KCNH1: variants seen among roughly 807,000 people sequenced by gnomAD.
KCNH1 encodes voltage-gated delayed rectifier potassium channel KCNH1.
A neutral mutation model predicts 69.2 loss-of-function variants in KCNH1; 27 were observed. The ratio of observed to expected loss-of-function variants is 0.39; its 90% confidence interval spans 0.29 to 0.54. KCNH1 has a LOEUF of 0.54. Among genes scored for constraint, KCNH1 ranks in the 20% least tolerant of loss-of-function variants. The pLI is 0.68. For synonymous variants in KCNH1, 456 were observed against 487.7 expected (o/e 0.93, Z 0.86); for missense variants, 798 against 1,261.6 (o/e 0.63, Z 5.57).
intron 6 of KCNH1, among the ~76,000 whole-genome samples, chr1:210,991,622 CACACACACACAT>C (rs1469917017): frequency 2.0e-5 from 3 of 151,806 alleles, no homozygotes; most frequent in African/African-American, 7.3e-5. Context: ...CACACACACA[CACACACACACAT>C]AACACATACA....
chr1:211,084,396 C>T (rs200971102), intron 4 of KCNH1, among the ~76,000 whole-genome samples: 2 of 126,688 alleles, frequency 1.6e-5, no homozygotes. Context: ...ACCACCACCA[C>T]CAGCGTGATC....
chr1:211,117,013 C>A (rs1306250234), intron 1 of KCNH1, among the ~76,000 whole-genome samples: 1 of 152,178 alleles, frequency 6.6e-6, no homozygotes, highest in African/African-American at 2.4e-5. Context: ...AAGAATCAAA[C>A]CTCCAAGATT....
chr1:210,720,186 A>G (rs906641688), intron 10 of KCNH1, among the ~76,000 whole-genome samples: 1 of 152,208 alleles, frequency 6.6e-6, no homozygotes, highest in Non-Finnish European at 1.5e-5. Context: ...AACAGCATCA[A>G]GATTTTTCAG....
At chr1:211,085,698 A>T (rs1238967091) in intron 4 of KCNH1, among the ~76,000 whole-genome samples, 1 of 152,208 alleles carries the variant, frequency 6.6e-6, no homozygotes, top group Non-Finnish European at 1.5e-5. Flanking sequence ...CTGGGGTGAC[A>T]GCTAATCAAT....
intron 7 of KCNH1, among the ~76,000 whole-genome samples, chr1:210,844,026 G>A (rs761095647): frequency 6.6e-6 from 1 of 152,132 alleles, no homozygotes; most frequent in African/African-American, 2.4e-5. Flanking sequence ...CTTCTGTCAT[G>A]GCCCATGTTT....
intron 9 of KCNH1, 22 bp downstream of exon 9, chr1:210,797,486 A>G (rs781437105): frequency 1.9e-5 from 30 of 1,611,170 alleles, no homozygotes; most frequent in African/African-American, 2.7e-5. Flanking sequence ...ACCTTTGCCC[A>G]TCCAGCAAAG....
intron 5 of KCNH1, among the ~76,000 whole-genome samples, chr1:211,081,397 G>A (rs1690856422): frequency 1.3e-5 from 2 of 152,232 alleles, no homozygotes; most frequent in Admixed American, 6.5e-5. Context: ...AACCATTGTG[G>A]AAGACAGTGT....
At chr1:210,823,350 A>G (rs1034163991) in intron 7 of KCNH1, among the ~76,000 whole-genome samples, 6 of 152,206 alleles carry the variant, frequency 3.9e-5, no homozygotes, top group African/African-American at 1.4e-4. Flanking sequence ...TAAGTGGTAC[A>G]CTGTAAGAAG....
At chr1:210,701,066 T>C (rs1037357804) in intron 10 of KCNH1, among the ~76,000 whole-genome samples, 21 of 152,106 alleles carry the variant, frequency 1.4e-4, no homozygotes, top group Non-Finnish European at 1.5e-4. Context: ...GCCTCCCAAG[T>C]AGCTGGGACT....
intron 7 of KCNH1, among the ~76,000 whole-genome samples, chr1:210,899,252 A>G (rs987020080): frequency 6.6e-6 from 1 of 152,168 alleles, no homozygotes; most frequent in African/African-American, 2.4e-5. Flanking sequence ...AGTATGTAAT[A>G]TTGCAATGGG....
intron 6 of KCNH1, among the ~76,000 whole-genome samples, chr1:210,978,694 G>A (rs115686081): frequency 1.3e-3 from 202 of 152,180 alleles, no homozygotes; most frequent in Non-Finnish European, 2.5e-3. Context: ...CTATTATTAC[G>A]CTTGTTTTTC....
intron 7 of KCNH1, among the ~76,000 whole-genome samples, chr1:210,907,778 A>G (rs535837209): frequency 6.6e-6 from 1 of 152,290 alleles, no homozygotes; most frequent in South Asian, 2.1e-4. Flanking sequence ...ATGATGTGGT[A>G]TGTGTCAGTA....
At chr1:210,861,782 A>G in intron 7 of KCNH1, 5 of 771,230 alleles carry the variant, frequency 6.5e-6, no homozygotes, top group Non-Finnish European at 2.4e-6. Flanking sequence ...GCTGCTACCA[A>G]TGGACTCCAC....
chr1:211,020,513 A>G (rs1689569975), intron 5 of KCNH1, among the ~76,000 whole-genome samples: 1 of 152,024 alleles, frequency 6.6e-6, no homozygotes, highest in Admixed American at 6.6e-5. Context: ...TCTCCCAACA[A>G]AGAAAAGCCC....
chr1:211,060,948 A>G (rs1326448253), intron 5 of KCNH1, among the ~76,000 whole-genome samples: 3 of 152,220 alleles, frequency 2.0e-5, no homozygotes, highest in African/African-American at 4.8e-5. Context: ...AATACTTCCA[A>G]ACTCATTCTA....
chr1:210,857,812 G>C (rs1395600640), intron 7 of KCNH1, among the ~76,000 whole-genome samples: 1 of 152,164 alleles, frequency 6.6e-6, no homozygotes, highest in Non-Finnish European at 1.5e-5. Context: ...CTTGCAGTTA[G>C]AAAGAAAGGG....
chr1:211,021,738 T>C (rs1208032833), intron 5 of KCNH1, among the ~76,000 whole-genome samples: 3 of 151,672 alleles, frequency 2.0e-5, no homozygotes, highest in Non-Finnish European at 2.9e-5. Flanking sequence ...TATCAATAGC[T>C]ACAAAAAAAA....
intron 3 of KCNH1, among the ~76,000 whole-genome samples, chr1:211,101,330 C>CAG (rs1691254240): frequency 1.3e-5 from 2 of 152,086 alleles, no homozygotes; most frequent in African/African-American, 2.4e-5. Flanking sequence ...CACACACACA[C>CAG]AGAATCCAGT....
chr1:211,033,456 C>T (rs1440586141), intron 5 of KCNH1, among the ~76,000 whole-genome samples: 1 of 152,186 alleles, frequency 6.6e-6, no homozygotes. Flanking sequence ...TATAAAGACA[C>T]ATGCACACAT....
Sources: allele counts gnomAD v4.1 joint callset (sites outside exome capture counted in the v4.1 genomes callset), GRCh38; gene constraint gnomAD v4.1.1; transcripts MANE v1.5; gene names NCBI Gene and HGNC (gene_info 2026-07-23, HGNC 2026-07-21).